CLVS1: variants seen among roughly 807,000 people sequenced by gnomAD.
CLVS1 encodes clavesin-1.
CLVS1 carries 10 observed loss-of-function variants against 33.1 expected under a neutral mutation model. That is an observed-to-expected ratio of 0.30 (90% confidence interval 0.19 to 0.51). The LOEUF is 0.51. Among genes scored for constraint, CLVS1 ranks in the 20% least tolerant of loss-of-function variants. CLVS1 has a pLI of 0.97. For missense variants in CLVS1, 343 were observed against 433.4 expected, an observed-to-expected ratio of 0.79 and a Z score of 1.85; for synonymous variants, 163 against 166.1, an observed-to-expected ratio of 0.98 and a Z score of 0.14.
intron 1 of CLVS1, among the ~76,000 whole-genome samples, chr8:61,098,926 T>C (rs1245775635): frequency 6.6e-6 from 1 of 152,194 alleles, no homozygotes; most frequent in Non-Finnish European, 1.5e-5. Context: ...GCCTATGCTC[T>C]TTAAGGGGAA....
chr8:61,001,822 C>T, the CLVS1 span, among the ~76,000 whole-genome samples: 1 of 152,260 alleles, frequency 6.6e-6, no homozygotes, highest in Non-Finnish European at 1.5e-5. Flanking sequence ...CTGGGACATT[C>T]TTCCTTTACA....
At chr8:60,987,153 A>C in the CLVS1 span, among the ~76,000 whole-genome samples, 1 of 152,196 alleles carries the variant, frequency 6.6e-6, no homozygotes, top group African/African-American at 2.4e-5. Context: ...GAGCGCTGTG[A>C]TAGGGAGATG....
At chr8:61,286,869 G>A (rs927064429), upstream of CLVS1, among the ~76,000 whole-genome samples, 1 of 152,144 alleles carries the variant, frequency 6.6e-6, no homozygotes, top group Admixed American at 6.5e-5. Flanking sequence ...TGCTGTATTT[G>A]ATATCTTGCT....
intron 5 of CLVS1, among the ~76,000 whole-genome samples, chr8:61,499,231 CAGTGG>C (rs1804442807): frequency 6.6e-6 from 1 of 152,148 alleles, no homozygotes; most frequent in Non-Finnish European, 1.5e-5. Flanking sequence ...GGCTGGAGTG[CAGTGG>C]CACAATATGG....
At chr8:60,972,111 G>A in the CLVS1 span, among the ~76,000 whole-genome samples, 1 of 152,054 alleles carries the variant, frequency 6.6e-6, no homozygotes, top group Admixed American at 6.6e-5. Flanking sequence ...TGGCCTCTCT[G>A]TCTCTGTCTT....
At chr8:61,384,228 C>A (rs1813995731) in intron 3 of CLVS1, among the ~76,000 whole-genome samples, 1 of 152,188 alleles carries the variant, frequency 6.6e-6, no homozygotes, top group Admixed American at 6.5e-5. Flanking sequence ...AGGCAAGGAG[C>A]TTGTTTGCCC....
chr8:61,369,736 G>T (rs1427216373), intron 2 of CLVS1, among the ~76,000 whole-genome samples: 2 of 152,184 alleles, frequency 1.3e-5, no homozygotes, highest in Admixed American at 6.5e-5. Flanking sequence ...AGTTTGTATG[G>T]ATGGTTGCAT....
the CLVS1 span, among the ~76,000 whole-genome samples, chr8:60,976,818 C>A: frequency 6.6e-6 from 1 of 152,272 alleles, no homozygotes; most frequent in Non-Finnish European, 1.5e-5. Flanking sequence ...ATGCGGCTTT[C>A]TGCCGCCCAG....
At chr8:61,185,958 C>T (rs1301660799) in intron 2 of CLVS1, among the ~76,000 whole-genome samples, 2 of 152,188 alleles carry the variant, frequency 1.3e-5, no homozygotes, top group South Asian at 2.1e-4. Context: ...TCCCTAGTTG[C>T]CACTTGAAAT....
At chr8:61,409,727 G>T (rs562716647) in intron 3 of CLVS1, among the ~76,000 whole-genome samples, 1 of 152,148 alleles carries the variant, frequency 6.6e-6, no homozygotes, top group South Asian at 2.1e-4. Flanking sequence ...TGGTTGGGGG[G>T]ACGGTGCGCT....
At chr8:61,017,620 C>A in the CLVS1 span, among the ~76,000 whole-genome samples, 3 of 152,262 alleles carry the variant, frequency 2.0e-5, no homozygotes, top group Non-Finnish European at 4.4e-5. Context: ...CATAGGAAAG[C>A]TGCCACAAGG....
chr8:61,355,141 A>G (rs1812638538), intron 2 of CLVS1, among the ~76,000 whole-genome samples: 1 of 152,136 alleles, frequency 6.6e-6, no homozygotes, highest in Non-Finnish European at 1.5e-5. Flanking sequence ...TTTATCAGCT[A>G]GAGCTCTTGC....
chr8:60,982,327 T>C, the CLVS1 span, among the ~76,000 whole-genome samples: 1 of 152,192 alleles, frequency 6.6e-6, no homozygotes, highest in East Asian at 1.9e-4. Context: ...ACGTGGGTTA[T>C]TGTTGAGGGA....
intron 1 of CLVS1, among the ~76,000 whole-genome samples, chr8:61,100,521 T>G (rs1423885666): frequency 6.6e-6 from 1 of 152,226 alleles, no homozygotes; most frequent in Non-Finnish European, 1.5e-5. Flanking sequence ...TCAAGACTTT[T>G]AAAAATTGTT....
chr8:61,046,006 G>A, the CLVS1 span, among the ~76,000 whole-genome samples: 9 of 151,968 alleles, frequency 5.9e-5, no homozygotes, highest in Non-Finnish European at 1.3e-4. Flanking sequence ...GATCCCATTT[G>A]TTAATTTTGG....
At chr8:61,256,645 C>CA (rs768910491) in intron 2 of CLVS1, among the ~76,000 whole-genome samples, 40 of 79,820 alleles carry the variant, frequency 5.0e-4, no homozygotes, top group Admixed American at 2.3e-3. Context: ...ATCTCAAAAA[C>CA]AAAAAAAAAA....
intron 3 of CLVS1, among the ~76,000 whole-genome samples, chr8:61,388,282 A>T (rs1814164188): frequency 6.6e-6 from 1 of 150,464 alleles, no homozygotes; most frequent in Non-Finnish European, 1.5e-5. Flanking sequence ...GAAGTGACTG[A>T]CCACTTATGT....
chr8:60,978,681 G>A, the CLVS1 span, among the ~76,000 whole-genome samples: 1 of 151,866 alleles, frequency 6.6e-6, no homozygotes. Flanking sequence ...CAGGGGTGAT[G>A]GCACCTGCCT....
chr8:61,232,285 C>T (rs557336912), intron 2 of CLVS1, among the ~76,000 whole-genome samples: 22 of 152,106 alleles, frequency 1.4e-4, no homozygotes, highest in Admixed American at 9.2e-4. Context: ...ATCCGCCCGC[C>T]TCAGCCTCCC....
Sources: gnomAD v4.1 joint callset for allele counts (sites outside exome capture counted in the v4.1 genomes callset) on GRCh38, gnomAD v4.1.1 for gene constraint, MANE v1.5 for transcripts, NCBI Gene and HGNC (gene_info 2026-07-23, HGNC 2026-07-21) for gene names.